The following PREPL variants were observed in gnomAD, a reference collection of about 807,000 sequenced individuals.
The protein encoded by PREPL is prolyl endopeptidase-like.
In PREPL, 77 loss-of-function variants were observed where a neutral mutation model predicts 70.6. That is an observed-to-expected ratio of 1.09 (90% confidence interval 0.91 to 1.32). The LOEUF (loss-of-function observed/expected upper bound fraction) is 1.32. PREPL is among the 40% of genes most tolerant of loss of function. PREPL has a pLI of 0.00. For missense variants in PREPL, 1,002 were observed against 778.2 expected (o/e 1.29, Z -3.42); for synonymous variants, 315 against 264.8 (o/e 1.19, Z -1.84).
rs1673568804 is a variant in PREPL, at chr2:44,326,970, T to G, written c.1263-42A>C. 4 of 1,533,610 alleles carry G rather than the reference T, an allele frequency of 2.6e-6. No homozygotes were observed. In the African/African-American group the frequency reaches 4.1e-5, roughly 16 times the overall value. ...AAAAAGTTTTAGTGGAAAAAAAAAG[T>G]TAATACTGTAGGCTGGGGTCAGCGA... On this transcript the variant is annotated intron_variant, in intron 9 of 13. Coordinates refer to ENST00000409411, the MANE Select transcript of PREPL (RefSeq NM_001171613.2).
chr2:44,346,406 T>A lies in PREPL; in HGVS notation c.-48-16A>T. The stretch of plus-strand genomic sequence containing the variant: ...GCTGAAGATCCTGGAAAAAGTTTTG[T>A]TATGATCAAAATATTTCAAACTAGG... On this transcript the variant is annotated splice_polypyrimidine_tract_variant and intron_variant, in intron 1 of 13. Coordinates refer to ENST00000409411, the MANE Select transcript of PREPL (RefSeq NM_001171613.2). 1 of 1,609,554 alleles carries A rather than the reference T, an allele frequency of 6.2e-7. No homozygotes were observed. The highest frequency in any genetic ancestry group is 2.2e-5 in the East Asian group (1 of 44,710).
At chr2:44,322,473 T>C (rs1459264057) in intron 12 of PREPL, among the ~76,000 whole-genome samples, 1 of 152,230 alleles carries the variant, frequency 6.6e-6, no homozygotes. Context: ...CCAAGTTATA[T>C]CTGATTCTTA....
intron 1 of PREPL, chr2:44,360,597 A>T (rs1677619392): frequency 6.6e-6 from 1 of 152,228 alleles, no homozygotes; most frequent in East Asian, 1.9e-4. Context: ...ATTGCTAATA[A>T]GTAGTTAAGA....
chr2:44,326,591 T>A, intron 10 of PREPL, 121 bp downstream of exon 10: 1 of 1,024,712 alleles, frequency 9.8e-7, no homozygotes, highest in East Asian at 2.4e-5. Context: ...CACCTCAGTT[T>A]CCCGAAGTGC....
intron 1 of PREPL, among the ~76,000 whole-genome samples, chr2:44,354,064 G>C (rs1676743920): frequency 1.3e-5 from 2 of 152,136 alleles, no homozygotes. Context: ...GGTAAGGCAG[G>C]AAGACAGCAC....
chr2:44,359,804 G>T, intron 1 of PREPL: 1 of 883,900 alleles, frequency 1.1e-6, no homozygotes, highest in Non-Finnish European at 1.8e-6. Context: ...TGGGTTCTCA[G>T]AGTAACTAAG....
chr2:44,352,695 A>G (rs1182336177), intron 1 of PREPL, among the ~76,000 whole-genome samples: 1 of 152,246 alleles, frequency 6.6e-6, no homozygotes, highest in African/African-American at 2.4e-5. Context: ...GGTGTTCAAC[A>G]AATATTTGCT....
intron 1 of PREPL, among the ~76,000 whole-genome samples, chr2:44,349,278 A>G (rs698767): frequency 0.72 from 109,729 of 151,958 alleles, 40,305 homozygotes; most frequent in Middle Eastern, 0.79. Flanking sequence ...CTAAGGCTAG[A>G]GCAGGGAGAA....
At chr2:44,346,613 G>A (rs941801591) in intron 1 of PREPL, among the ~76,000 whole-genome samples, 20 of 152,034 alleles carry the variant, frequency 1.3e-4, no homozygotes, top group African/African-American at 4.8e-4. Flanking sequence ...ACATTTGATG[G>A]TTATACTATT....
intron 8 of PREPL, among the ~76,000 whole-genome samples, chr2:44,329,488 C>T (rs1673873657): frequency 6.6e-6 from 1 of 152,118 alleles, no homozygotes; most frequent in African/African-American, 2.4e-5. Flanking sequence ...TCTTCCTATG[C>T]CTAAGAGCTA....
rs189952154 is a variant in PREPL at position 44,335,035 on chromosome 2, T to C, written c.889-2379A>G. Among the ~76,000 whole-genome samples, 215 of 152,368 alleles carry C rather than the reference T, an allele frequency of 1.4e-3. 3 individuals carry two copies. The highest frequency in any genetic ancestry group is 4.8e-3 in the African/African-American group (201 of 41,598). ...TCAGGCTCATAAAAAGGGTCTGATC[T>C]ATAAAATTCTCTTTATTATATACCA... On this transcript the variant is annotated intron_variant, in intron 7 of 13. Coordinates refer to ENST00000409411, the MANE Select transcript of PREPL (RefSeq NM_001171613.2).
At chr2:44,348,697 T>C (rs938733332) in intron 1 of PREPL, among the ~76,000 whole-genome samples, 3 of 152,146 alleles carry the variant, frequency 2.0e-5, no homozygotes, top group African/African-American at 7.2e-5. Flanking sequence ...CCAAAATAAC[T>C]CTGAAAGCAA....
At chr2:44,349,709 A>C (rs11892069) in intron 1 of PREPL, among the ~76,000 whole-genome samples, 3 of 152,170 alleles carry the variant, frequency 2.0e-5, no homozygotes, top group Non-Finnish European at 2.9e-5. Context: ...TCACGCCTGT[A>C]ATCTCGGCAC....
chr2:44,334,371 C>T (rs375511636), intron 7 of PREPL, among the ~76,000 whole-genome samples: 1 of 152,136 alleles, frequency 6.6e-6, no homozygotes, highest in African/African-American at 2.4e-5. Context: ...GCAGACTCCT[C>T]CTCTAAATAA....
chr2:44,322,934 A>G, intron 11 of PREPL, 80 bp from the exon 12 acceptor site: 3 of 1,524,314 alleles, frequency 2.0e-6, no homozygotes, highest in Non-Finnish European at 2.6e-6. Flanking sequence ...AAAAATAATT[A>G]CCTCCAATTT....
At position 44,320,662 on chromosome 2, in the gene PREPL, A is replaced by G. The variant is rs767011523; in HGVS notation, c.*694T>C. On this transcript the variant is annotated 3_prime_UTR_variant, in exon 14 of 14. Transcript: ENST00000409411. ...TAGGCACCTTTATGAAGAGATGAAG[A>G]CACTGGCATTTCAGTGGGATTGTAA... The G allele has an allele frequency of 6.3e-6, 10 of 1,579,254 alleles. No individual in the cohort carries two copies. Among genetic ancestry groups the G allele is most frequent in the Non-Finnish European group, 8.7e-6 (10 of 1,148,528 alleles).
Position 44,353,997 on chromosome 2 carries a change from C to T in PREPL, c.-49+7383G>A, listed in dbSNP as rs1676736559. Among the ~76,000 whole-genome samples the T allele has an allele frequency of 2.0e-5, 3 of 152,178 alleles. No individual in the cohort carries two copies. The South Asian group carries it at 6.2e-4, about 32-fold the overall frequency. ...ACAACAAAGTGAGACCCTGTCTCCACACACACAAAAAATCAAAAAATTAGC... is the reference window on the plus strand; with the variant it reads ...ACAACAAAGTGAGACCCTGTCTCCATACACACAAAAAATCAAAAAATTAGC... On this transcript the variant is annotated intron_variant, in intron 1 of 13. Coordinates refer to ENST00000409411, the MANE Select transcript of PREPL (RefSeq NM_001171613.2).
chr2:44,335,674 G>T (rs1403564413), intron 7 of PREPL, among the ~76,000 whole-genome samples: 1 of 152,006 alleles, frequency 6.6e-6, no homozygotes, highest in African/African-American at 2.4e-5. Context: ...AAAAGCAATT[G>T]CAACAAAAAC....
chr2:44,330,864 TTC>T (rs1373548209), intron 8 of PREPL, among the ~76,000 whole-genome samples: 1 of 152,200 alleles, frequency 6.6e-6, no homozygotes, highest in Non-Finnish European at 1.5e-5. Flanking sequence ...TTATTTCCTT[TTC>T]TGTGTCTCAT....
Sources: allele counts gnomAD v4.1 joint callset (sites outside exome capture counted in the v4.1 genomes callset), GRCh38; gene constraint gnomAD v4.1.1; transcripts MANE v1.5; gene names NCBI Gene and HGNC (gene_info 2026-07-23, HGNC 2026-07-21).